Variants in ELMO2 observed in about 807,000 individuals in gnomAD.
ELMO2 encodes engulfment and cell motility 2.
ELMO2 carries 37 observed loss-of-function variants against 96.2 expected under a neutral mutation model. The observed-to-expected ratio is 0.38, with a 90% CI of 0.30 to 0.51. The LOEUF is 0.51. Among genes scored for constraint, ELMO2 ranks in the 20% least tolerant of loss-of-function variants. The probability of loss-of-function intolerance (pLI) is 0.88; values close to 1 mark genes in which losing one functional copy is unlikely to be tolerated. For missense variants in ELMO2, 561 were observed against 912.6 expected (o/e 0.61, Z 4.96); for synonymous variants, 315 against 329.4 (o/e 0.96, Z 0.47).
chr20:46,405,558 C>A (rs2060420059), intron 1 of ELMO2, among the ~76,000 whole-genome samples: 1 of 152,054 alleles, frequency 6.6e-6, no homozygotes, highest in Admixed American at 6.5e-5. Context: ...GGGTGGGACG[C>A]CGGGCCAGTT....
intron 10 of ELMO2, among the ~76,000 whole-genome samples, chr20:46,382,617 T>C (rs531919652): frequency 7.9e-5 from 12 of 152,336 alleles, no homozygotes; most frequent in African/African-American, 2.9e-4. Context: ...TTACAAACAC[T>C]TGTCCAGCCA....
chr20:46,393,886 G>A (rs1370013805), intron 4 of ELMO2, 163 bp downstream of exon 4: 15 of 957,990 alleles, frequency 1.6e-5, no homozygotes, highest in Non-Finnish European at 2.0e-5. Flanking sequence ...CGTCTTAGGG[G>A]TATGGTTGTC....
chr20:46,372,111 AC>A, intron 16 of ELMO2, 142 bp from the exon 17 acceptor site: 1 of 909,418 alleles, frequency 1.1e-6, no homozygotes, highest in East Asian at 2.6e-5. Flanking sequence ...AGTAAGGTAT[AC>A]CTTCTTAGAT....
chr20:46,391,400 A>C (rs1437234964), intron 6 of ELMO2, among the ~76,000 whole-genome samples: 1 of 152,216 alleles, frequency 6.6e-6, no homozygotes, highest in Admixed American at 6.5e-5. Context: ...TAAAGATTAG[A>C]TGATTTAATT....
intron 15 of ELMO2, 75 bp from the exon 16 acceptor site, chr20:46,373,610 T>A: frequency 6.4e-7 from 1 of 1,570,834 alleles, no homozygotes. Context: ...CTGGAAACTT[T>A]GCACCAAAGT....
chr20:46,383,469 C>A lies in ELMO2; in HGVS notation c.703G>T (p.Ala235Ser), dbSNP rs764442046. 1 of 1,614,050 alleles carries A rather than the reference C, an allele frequency of 6.2e-7. No homozygotes were observed. ...QVSNQEIQTY[A>S]IALINALFLK... ...AAAAGTGCATTAATCAGTGCAATGG[C>A]GTAGGTCTGAATCTCCTGGTTGGAG... is the stretch of plus-strand genomic sequence containing the variant. The change falls in exon 10 of 22, where the codon GCC (alanine) becomes TCC (serine). Residue 235 changes from alanine (A) to serine (S), a missense_variant. Physicochemically the swap from Ala to Ser is moderately conservative, Grantham distance 99 (BLOSUM62 1). Coordinates refer to ENST00000290246, the MANE Select transcript of ELMO2 (RefSeq NM_133171.5).
At chr20:46,397,206 A>G (rs2060259123) in intron 2 of ELMO2, among the ~76,000 whole-genome samples, 1 of 152,204 alleles carries the variant, frequency 6.6e-6, no homozygotes, top group Non-Finnish European at 1.5e-5. Context: ...CCACCAAACT[A>G]TTTGAAAGAT....
In ELMO2 at chr20:46,375,675, T is replaced by C. The variant is rs1414591058; in HGVS notation, c.923A>G (p.Asn308Ser). 1.8e-5 allele frequency: 29 copies of C among 1,613,978 alleles called. No homozygotes were observed. The highest frequency in any genetic ancestry group is 1.3e-4 in the East Asian group (6 of 44,900). Residue 308 changes from asparagine (N) to serine (S), a missense_variant, in exon 12 of 22, where the codon AAT (asparagine) becomes AGT (serine). Physicochemically the swap from Asn to Ser is conservative, Grantham distance 46. Transcript: ENST00000290246. This position sits in a 1 kb window ranked among gnomAD's most constrained non-coding sequence, Gnocchi z 4.6. Reference protein sequence around the residue: ...EERMMTKMDPNDQAQRDIIFE... With the variant: ...EERMMTKMDPSDQAQRDIIFE... ...GCCCCACTTAGCACCTACCTGGTCA[T>C]TGGGGTCCATCTTGGTCATCATCCT...
intron 19 of ELMO2, among the ~76,000 whole-genome samples, chr20:46,370,947 C>A (rs1288776129): frequency 6.6e-6 from 1 of 152,218 alleles, no homozygotes; most frequent in Non-Finnish European, 1.5e-5. Flanking sequence ...CTCATGCAAT[C>A]CTCTTAGGAG....
At chr20:46,402,643 C>T (rs1173580721) in intron 1 of ELMO2, among the ~76,000 whole-genome samples, 1 of 152,208 alleles carries the variant, frequency 6.6e-6, no homozygotes, top group Non-Finnish European at 1.5e-5. Flanking sequence ...TGAACTCCTT[C>T]AATACTGACC....
chr20:46,400,013 T>C (rs1188794996), intron 1 of ELMO2, among the ~76,000 whole-genome samples: 1 of 152,124 alleles, frequency 6.6e-6, no homozygotes, highest in Non-Finnish European at 1.5e-5. Flanking sequence ...GGCGTGTGCC[T>C]GTAGTCCCTA....
rs2060065713 is a variant in ELMO2 at position 46,387,379 on chromosome 20, T to C, written c.484A>G (p.Ile162Val). 1.2e-6 allele frequency: 2 copies of C among 1,613,962 alleles called. No individual in the cohort carries two copies. The highest frequency in any genetic ancestry group is 2.7e-5 in the African/African-American group (2 of 74,888). The change falls in exon 8 of 22, where the codon ATT becomes GTT. Residue 162 changes from isoleucine to valine, a missense_variant. Physicochemically the swap from Ile to Val is conservative, Grantham distance 29 (BLOSUM62 3). Transcript: ENST00000290246. ...TAFLELMDHG[I>V]VSWDMVSITF... Reference sequence around the variant, plus strand: ...ATTGAAACCATGTCCCAGGAGACAATGCCATGGTCCATGAGCTCTAGGAAG... The same window carrying C: ...ATTGAAACCATGTCCCAGGAGACAACGCCATGGTCCATGAGCTCTAGGAAG...
Position 46,374,418 on chromosome 20 carries a change from C to T in ELMO2, c.1193G>A (p.Arg398Gln). 5 of 1,614,066 alleles carry T rather than the reference C, an allele frequency of 3.1e-6. No individual in the cohort carries two copies. Among genetic ancestry groups the T allele is most frequent in the Non-Finnish European group, 1.7e-6 (2 of 1,180,028 alleles). Residue 398 changes from arginine (R) to glutamine (Q), a missense_variant, in exon 15 of 22, where the codon CGG (arginine) becomes CAG (glutamine). Physicochemically the swap from Arg to Gln is conservative, Grantham distance 43. Coordinates refer to ENST00000290246, the MANE Select transcript of ELMO2 (RefSeq NM_133171.5). ...AAAGGGGCATTCATGTTTGTCTTCC[C>T]GGCTACTGTTCTCCAAGACAATCTG... ...YIRIVLENSS[R>Q]EDKHECPFGR...
At chr20:46,373,256 C>T (rs2059767532) in intron 16 of ELMO2, 143 bp downstream of exon 16, 1 of 1,103,104 alleles carries the variant, frequency 9.1e-7, no homozygotes, top group Non-Finnish European at 1.3e-6. Context: ...GCTGAGGCTC[C>T]CCAGTGCCTC....
At chr20:46,404,044 A>G (rs2060381138) in intron 1 of ELMO2, among the ~76,000 whole-genome samples, 1 of 152,160 alleles carries the variant, frequency 6.6e-6, no homozygotes, top group Admixed American at 6.5e-5. Flanking sequence ...AGATGGCACC[A>G]TTGCACTCCA....
intron 11 of ELMO2, 106 bp downstream of exon 11, chr20:46,380,147 C>G: frequency 2.1e-6 from 2 of 967,014 alleles, no homozygotes; most frequent in Non-Finnish European, 3.2e-6. Flanking sequence ...TAAGGTTCCT[C>G]TGTGTGTCCT....
chr20:46,368,572 T>C (rs1294937162), intron 21 of ELMO2, among the ~76,000 whole-genome samples: 2 of 152,124 alleles, frequency 1.3e-5, no homozygotes, highest in Admixed American at 1.3e-4. Context: ...TGAAGAGTAA[T>C]GTGGAGAGCC....
chr20:46,403,764 G>A (rs1318238696), intron 1 of ELMO2, among the ~76,000 whole-genome samples: 1 of 152,200 alleles, frequency 6.6e-6, no homozygotes, highest in Non-Finnish European at 1.5e-5. Flanking sequence ...TGGTCACGTG[G>A]TAGATACTCA....
At chr20:46,369,046 T>C in intron 20 of ELMO2, 78 bp from the exon 21 acceptor site, 2 of 1,315,812 alleles carry the variant, frequency 1.5e-6, no homozygotes, top group Non-Finnish European at 2.2e-6. Flanking sequence ...AAAGTCCTAG[T>C]GACTCGGCAT....
Sources: gnomAD v4.1 joint callset for allele counts (sites outside exome capture counted in the v4.1 genomes callset) on GRCh38, gnomAD v4.1.1 for gene constraint, Gnocchi (gnomAD v3.1) non-coding constraint, MANE v1.5 for transcripts, NCBI Gene and HGNC (gene_info 2026-07-23, HGNC 2026-07-21) for gene names.